Variants in SMAP1 observed in about 807,000 individuals in gnomAD.
The protein encoded by SMAP1 is small ArfGAP 1.
In SMAP1, 24 loss-of-function variants were observed where a neutral mutation model predicts 58.5. The ratio of observed to expected loss-of-function variants is 0.41; its 90% confidence interval spans 0.30 to 0.58. The LOEUF is 0.58. Ranked by LOEUF, SMAP1 falls within the 20% of genes least tolerant of loss-of-function variation. SMAP1 has a pLI of 0.29. For synonymous variants in SMAP1, 216 were observed against 196.6 expected, an observed-to-expected ratio of 1.10 and a Z score of -0.82; for missense variants, 563 against 566.3, an observed-to-expected ratio of 0.99 and a Z score of 0.06.
At chr6:70,670,054 A>G (rs1766201675) in intron 1 of SMAP1, among the ~76,000 whole-genome samples, 1 of 152,080 alleles carries the variant, frequency 6.6e-6, no homozygotes, top group Admixed American at 6.5e-5. Flanking sequence ...GAAGAATAGG[A>G]AGTATTCGTT....
intron 2 of SMAP1, among the ~76,000 whole-genome samples, chr6:70,739,586 C>T (rs1029630754): frequency 2.0e-5 from 3 of 152,020 alleles, no homozygotes; most frequent in Non-Finnish European, 4.4e-5. Context: ...TATGCTTCTT[C>T]AGTATGTAGT....
chr6:70,681,134 A>G (rs928666390), intron 1 of SMAP1, among the ~76,000 whole-genome samples: 2 of 151,900 alleles, frequency 1.3e-5, no homozygotes, highest in South Asian at 2.1e-4. Flanking sequence ...AATACAATGC[A>G]TAGGCTAGGA....
At chr6:70,745,660 C>T (rs974108958) in intron 2 of SMAP1, among the ~76,000 whole-genome samples, 1 of 152,114 alleles carries the variant, frequency 6.6e-6, no homozygotes, top group Non-Finnish European at 1.5e-5. Flanking sequence ...AATGTGGGCT[C>T]TTTTTTGGTT....
chr6:70,809,603 CCCA>C (rs1398852761), intron 6 of SMAP1, among the ~76,000 whole-genome samples: 5 of 152,138 alleles, frequency 3.3e-5, no homozygotes, highest in African/African-American at 1.2e-4. Flanking sequence ...CATTTACACA[CCCA>C]CCAAGCTCTC....
intron 1 of SMAP1, among the ~76,000 whole-genome samples, chr6:70,693,573 AT>A (rs1767273457): frequency 6.6e-6 from 1 of 152,216 alleles, no homozygotes; most frequent in African/African-American, 2.4e-5. Flanking sequence ...AAGTGCTGGG[AT>A]TACAGGCATG....
At chr6:70,851,326 C>G (rs904085950) in intron 7 of SMAP1, among the ~76,000 whole-genome samples, 6 of 152,166 alleles carry the variant, frequency 3.9e-5, no homozygotes, top group Admixed American at 3.9e-4. Context: ...CAAGAACTCT[C>G]TAAGTTTCTG....
At chr6:70,815,204 G>A (rs1769566316) in intron 6 of SMAP1, among the ~76,000 whole-genome samples, 1 of 152,008 alleles carries the variant, frequency 6.6e-6, no homozygotes, top group Non-Finnish European at 1.5e-5. Flanking sequence ...AGGATTTTTT[G>A]TAATGCTAAC....
chr6:70,773,915 A>G lies in SMAP1; in HGVS notation c.414+490A>G, dbSNP rs181533621. Among the ~76,000 whole-genome samples, 307 of 152,330 alleles carry G rather than the reference A, an allele frequency of 2.0e-3. 1 individual carries two copies. The highest frequency in any genetic ancestry group is 7.0e-3 in the African/African-American group (293 of 41,592). ...GTCTTTACAGTAGTAATCAAATACC[A>G]TCAGGTACCCATAACAAGGTTTCAG... On this transcript the variant is annotated intron_variant, in intron 4 of 10. Coordinates refer to ENST00000370455, the MANE Select transcript of SMAP1 (RefSeq NM_001044305.3).
chr6:70,835,114 T>A (rs1007353689), intron 6 of SMAP1, among the ~76,000 whole-genome samples: 6 of 149,266 alleles, frequency 4.0e-5, no homozygotes, highest in African/African-American at 1.5e-4. Flanking sequence ...TAGCCGGGTG[T>A]GGTGGTGGGC....
At chr6:70,713,041 C>T (rs754622874) in intron 1 of SMAP1, among the ~76,000 whole-genome samples, 13 of 152,116 alleles carry the variant, frequency 8.5e-5, no homozygotes, top group Non-Finnish European at 1.5e-4. Flanking sequence ...GATCCACCCA[C>T]CTCGGCCTCC....
chr6:70,746,172 C>T (rs543066383), intron 2 of SMAP1, among the ~76,000 whole-genome samples: 98 of 152,242 alleles, frequency 6.4e-4, no homozygotes, highest in African/African-American at 2.1e-3. Context: ...ATTTCTTTCT[C>T]TTGCCTGATT....
intron 1 of SMAP1, chr6:70,668,688 C>T: frequency 1.3e-6 from 2 of 1,536,034 alleles, no homozygotes; most frequent in Non-Finnish European, 1.7e-6. Flanking sequence ...ATCTCTGCTT[C>T]CTGAAAAAGA....
At chr6:70,772,034 C>T (rs572261712) in intron 3 of SMAP1, among the ~76,000 whole-genome samples, 1 of 152,192 alleles carries the variant, frequency 6.6e-6, no homozygotes. Flanking sequence ...GGTGCACTTA[C>T]ATACACCCAC....
rs574078818 is a variant in SMAP1 at position 70,783,302 on chromosome 6, A to C, written c.415-8387A>C. Among the ~76,000 whole-genome samples the C allele has an allele frequency of 2.6e-5, 4 of 152,336 alleles. No individual in the cohort carries two copies. In the South Asian group the frequency reaches 8.3e-4, roughly 32 times the overall value. On this transcript the variant is annotated intron_variant, in intron 4 of 10. Coordinates refer to ENST00000370455, the MANE Select transcript of SMAP1 (RefSeq NM_001044305.3). ...ACATCCACACCAGAAACCCATCTGT[A>C]CGTCACCATCATCAAAGACCAAAAG...
intron 4 of SMAP1, 66 bp from the exon 5 acceptor site, chr6:70,791,623 T>G (rs1768361743): frequency 7.4e-7 from 1 of 1,346,434 alleles, no homozygotes; most frequent in Admixed American, 1.9e-5. Context: ...TTCTTTCCTG[T>G]GCCTGTCAAT....
rs193256537 is a variant in SMAP1 at position 70,831,978 on chromosome 6, G to A, written c.577-4963G>A. 3.3e-5 allele frequency among the ~76,000 whole-genome samples: 5 copies of A among 152,122 alleles called. No individual in the cohort carries two copies. In the East Asian group the frequency reaches 7.7e-4, roughly 24 times the overall value. On this transcript the variant is annotated intron_variant, in intron 6 of 10. Transcript: ENST00000370455. Reference sequence around the variant, plus strand: ...TAGGCACTCTGACTGATGTGAGGTGGTGTCTCATTGTGGTTTTGATTTGCA... The same window carrying A: ...TAGGCACTCTGACTGATGTGAGGTGATGTCTCATTGTGGTTTTGATTTGCA...
At chr6:70,690,072 G>A (rs1562094750) in intron 1 of SMAP1, among the ~76,000 whole-genome samples, 1 of 151,898 alleles carries the variant, frequency 6.6e-6, no homozygotes. Flanking sequence ...GCACTGACTA[G>A]AACCTTTAGT....
chr6:70,754,404 A>G (rs953706863), intron 2 of SMAP1, among the ~76,000 whole-genome samples: 7 of 152,098 alleles, frequency 4.6e-5, no homozygotes, highest in Non-Finnish European at 8.8e-5. Flanking sequence ...ACTTATATGT[A>G]AAGTTTGGGC....
chr6:70,847,004 T>C (rs1253697954), intron 7 of SMAP1, among the ~76,000 whole-genome samples: 1 of 152,220 alleles, frequency 6.6e-6, no homozygotes, highest in East Asian at 1.9e-4. Context: ...TAAACTTGTA[T>C]TAAAATATGA....
Sources: gnomAD v4.1 joint callset for allele counts (sites outside exome capture counted in the v4.1 genomes callset) on GRCh38, gnomAD v4.1.1 for gene constraint, MANE v1.5 for transcripts, NCBI Gene and HGNC (gene_info 2026-07-23, HGNC 2026-07-21) for gene names.